Variants in ARL13A observed in about 807,000 individuals in gnomAD.
ARL13A encodes ARF like GTPase 13A.
A neutral mutation model predicts 19.1 loss-of-function variants in ARL13A; 16 were observed. The ratio of observed to expected loss-of-function variants is 0.84; its 90% CI spans 0.57 to 1.27. ARL13A has a LOEUF of 1.27. Ranked by LOEUF, ARL13A falls within the 50% of genes most tolerant of loss-of-function variation. The pLI is 0.00. For synonymous variants in ARL13A, 69 were observed against 71.3 expected (o/e 0.97, Z 0.17); for missense variants, 153 against 186.4 (o/e 0.82, Z 1.04).
chrX:100,989,988 A>C (rs765440520), intron 7 of ARL13A, among the ~76,000 whole-genome samples: 27 of 112,740 alleles, frequency 2.4e-4, no homozygotes, highest in African/African-American at 8.7e-4. Flanking sequence ...CTACCCCTAA[A>C]TCTTTGTCCA....
intron 3 of ARL13A, among the ~76,000 whole-genome samples, chrX:100,977,468 C>T (rs1270154480): frequency 1.1e-4 from 11 of 104,195 alleles, no homozygotes; most frequent in African/African-American, 3.5e-4. Context: ...GCAACCTCCA[C>T]CTCCTGGGTT....
intron 3 of ARL13A, among the ~76,000 whole-genome samples, chrX:100,979,191 T>A (rs2085814915): frequency 8.9e-6 from 1 of 111,850 alleles, no homozygotes; most frequent in African/African-American, 3.2e-5. Flanking sequence ...ATATTCTGTA[T>A]TTGTCTGTAT....
chrX:100,990,590 A>T lies in ARL13A; in HGVS notation c.*2A>T, dbSNP rs1317957250. The T allele has an allele frequency of 8.6e-7, 1 of 1,158,123 alleles. No individual in the cohort carries two copies. On this transcript the variant is annotated 3_prime_UTR_variant, in exon 8 of 8. Coordinates refer to ENST00000450049, the MANE Select transcript of ARL13A (RefSeq NM_001162491.2). Reference sequence around the variant, plus strand: ...TCAAATCAATCCTATACTCACTGAGAGGCTCAAGAAGAGTGAGATGGCATC... The same window carrying T: ...TCAAATCAATCCTATACTCACTGAGTGGCTCAAGAAGAGTGAGATGGCATC...
chrX:100,978,930 C>T (rs1261662365), intron 3 of ARL13A, among the ~76,000 whole-genome samples: 4 of 110,777 alleles, frequency 3.6e-5, no homozygotes, highest in Non-Finnish European at 7.6e-5. Flanking sequence ...TATTCACCCA[C>T]TGCCCCCTGG....
At chrX:100,990,060 C>A (rs1202843193) in intron 7 of ARL13A, among the ~76,000 whole-genome samples, 2 of 112,575 alleles carry the variant, frequency 1.8e-5, no homozygotes, top group Non-Finnish European at 3.7e-5. Context: ...AGAATGGATA[C>A]CTGGGACACA....
chrX:100,972,300 G>T lies in ARL13A; in HGVS notation c.-14-1376G>T, dbSNP rs929050424. Among the ~76,000 whole-genome samples, 9 of 101,827 alleles carry T rather than the reference G, an allele frequency of 8.8e-5. No homozygotes were observed. In the South Asian group the frequency reaches 3.0e-3, roughly 34 times the overall value. 88.4% of individuals were successfully genotyped at this position (101,827 alleles called of 115,157 possible). On this transcript the variant is annotated intron_variant, in intron 1 of 7. Coordinates refer to ENST00000450049, the MANE Select transcript of ARL13A (RefSeq NM_001162491.2). Reference sequence around the variant, plus strand: ...AGAGGGGCTCCTCACTTCCCAGTAGGGGGGGCCGGGCAGAGGCGCCCCTCA... The same window carrying T: ...AGAGGGGCTCCTCACTTCCCAGTAGTGGGGGCCGGGCAGAGGCGCCCCTCA...
At chrX:100,970,621 C>G (rs2085640633) in intron 1 of ARL13A, among the ~76,000 whole-genome samples, 2 of 111,435 alleles carry the variant, frequency 1.8e-5, no homozygotes, top group Non-Finnish European at 3.8e-5. Context: ...TCAAATCCTG[C>G]AGTTGGCACT....
chrX:100,983,948 A>C (rs1396171306), intron 3 of ARL13A, among the ~76,000 whole-genome samples: 1 of 111,663 alleles, frequency 9.0e-6, no homozygotes, highest in Non-Finnish European at 1.9e-5. Context: ...ACTACAAATA[A>C]GAAGTTATGC....
Position 100,990,578 on chromosome X carries a change from A to G in ARL13A, c.761A>G (p.Tyr254Cys), listed in dbSNP as rs1395055635. 10 of 1,156,782 alleles carry G rather than the reference A, an allele frequency of 8.6e-6. No homozygotes were observed. The highest frequency in any genetic ancestry group is 2.7e-5 in the Admixed American group (1 of 37,189). Reference protein sequence around the residue: ...KSILQPSNQSYTH With the variant: ...KSILQPSNQSCTH ...ATATTCTAGCCATCAAATCAATCCTATACTCACTGAGAGGCTCAAGAAGAG... is the reference window on the plus strand; with the variant it reads ...ATATTCTAGCCATCAAATCAATCCTGTACTCACTGAGAGGCTCAAGAAGAG... Residue 254 changes from tyrosine to cysteine, a missense_variant, in exon 8 of 8, where the codon TAT becomes TGT. By Grantham distance (194) the Tyr-to-Cys change is radical (BLOSUM62 -2). Transcript: ENST00000450049.
At chrX:100,981,637 A>C (rs1318936420) in intron 3 of ARL13A, among the ~76,000 whole-genome samples, 1 of 99,595 alleles carries the variant, frequency 1.0e-5, no homozygotes, top group African/African-American at 3.7e-5. Flanking sequence ...AACTCTCTAC[A>C]AAAAAAAAAA....
intron 1 of ARL13A, among the ~76,000 whole-genome samples, chrX:100,972,597 C>T (rs2085678504): frequency 1.9e-5 from 1 of 53,650 alleles, no homozygotes; most frequent in Admixed American, 1.7e-4. Context: ...CTCCTCACTT[C>T]CCAGTAGGGG....
chrX:100,973,609 C>CTTA, intron 1 of ARL13A, 67 bp from the exon 2 acceptor site: 1 of 1,050,062 alleles, frequency 9.5e-7, no homozygotes, highest in Non-Finnish European at 1.3e-6. Flanking sequence ...TAGTCATAAG[C>CTTA]TGACTAAAGG....
chrX:100,988,207 C>T lies in ARL13A; in HGVS notation c.668C>T (p.Thr223Ile), dbSNP rs754504320. The T allele has an allele frequency of 8.3e-7, 1 of 1,205,270 alleles. No individual in the cohort carries two copies. Among genetic ancestry groups the T allele is most frequent in the Non-Finnish European group, 1.1e-6 (1 of 892,706 alleles). The change falls in exon 7 of 8, where the codon ACA becomes ATA. Residue 223 changes from threonine to isoleucine, a missense_variant. By Grantham distance (89) the Thr-to-Ile change is moderately conservative. Transcript: ENST00000450049. ...RCSSHSFSTR[T>I]GMSKEKRQHL... Reference sequence around the variant, plus strand: ...TCTTCCACCAGCTTCTCCACCAGAACAGGAATGTCAAAGGAGAAAAGACAG... The same window carrying T: ...TCTTCCACCAGCTTCTCCACCAGAATAGGAATGTCAAAGGAGAAAAGACAG...
At chrX:100,982,541 A>C (rs147105321) in intron 3 of ARL13A, among the ~76,000 whole-genome samples, 3,632 of 110,127 alleles carry the variant, frequency 0.033, 65 homozygotes, top group Non-Finnish European at 0.051. Context: ...AGAACAGTGG[A>C]TACTGAGAAC....
At chrX:100,984,320 G>A (rs1311536199) in intron 3 of ARL13A, among the ~76,000 whole-genome samples, 1 of 107,894 alleles carries the variant, frequency 9.3e-6, no homozygotes, top group Non-Finnish European at 1.9e-5. Context: ...TGTATTTTTA[G>A]TAAAGATGGG....
chrX:100,980,249 CAGGGGCTTT>C (rs1249647231), intron 3 of ARL13A, among the ~76,000 whole-genome samples: 1 of 110,715 alleles, frequency 9.0e-6, no homozygotes, highest in East Asian at 2.8e-4. Context: ...GGCCTGGGGT[CAGGGGCTTT>C]AGAAATCTGC....
chrX:100,973,426 G>A (rs2085710283), intron 1 of ARL13A, among the ~76,000 whole-genome samples: 1 of 105,692 alleles, frequency 9.5e-6, no homozygotes, highest in South Asian at 4.5e-4. Flanking sequence ...CCTCCCGGGC[G>A]GCGCTCGCCG....
At chrX:100,975,789 C>T (rs1461694120) in intron 3 of ARL13A, among the ~76,000 whole-genome samples, 1 of 110,173 alleles carries the variant, frequency 9.1e-6, no homozygotes, top group African/African-American at 3.3e-5. Flanking sequence ...TGCACCACCA[C>T]GCCTGGCTGA....
At chrX:100,987,690 AT>A (rs1272203614) in intron 6 of ARL13A, 134 bp downstream of exon 6, 1 of 701,639 alleles carries the variant, frequency 1.4e-6, no homozygotes, top group Non-Finnish European at 2.1e-6. Flanking sequence ...ATTGGCTCAA[AT>A]GGGGCTAGGG....
Sources: allele counts gnomAD v4.1 joint callset (sites outside exome capture counted in the v4.1 genomes callset), GRCh38; gene constraint gnomAD v4.1.1; transcripts MANE v1.5; gene names NCBI Gene and HGNC (gene_info 2026-07-23, HGNC 2026-07-21).